Variants in USP34 observed in about 807,000 individuals in gnomAD.
USP34 encodes the protein ubiquitin specific peptidase 34.
Under a neutral mutation model 460.3 loss-of-function variants are expected in USP34, and 70 were observed. The observed-to-expected ratio is 0.15, with a 90% CI of 0.13 to 0.19. The LOEUF (loss-of-function observed/expected upper bound fraction) is 0.19. Ranked by LOEUF, USP34 falls within the 10% of genes least tolerant of loss-of-function variation. The probability of loss-of-function intolerance (pLI) is 1.00; values close to 1 mark genes in which losing one functional copy is unlikely to be tolerated. For missense variants in USP34, 3,985 were observed against 4,236.2 expected, an observed-to-expected ratio of 0.94 and a Z score of 1.65; for synonymous variants, 1,647 against 1,405.3, an observed-to-expected ratio of 1.17 and a Z score of -3.85.
intron 67 of USP34, among the ~76,000 whole-genome samples, chr2:61,215,330 T>A (rs1386046259): frequency 6.6e-6 from 1 of 152,140 alleles, no homozygotes; most frequent in Non-Finnish European, 1.5e-5. Context: ...TAATATATAT[T>A]TAAGTTATAA....
intron 20 of USP34, among the ~76,000 whole-genome samples, chr2:61,326,314 T>G (rs1691088036): frequency 6.6e-6 from 1 of 152,108 alleles, no homozygotes; most frequent in African/African-American, 2.4e-5. Context: ...TTCAAGTGAT[T>G]CTCGTGCCTT....
intron 76 of USP34, among the ~76,000 whole-genome samples, chr2:61,191,899 G>C (rs1686654814): frequency 6.6e-6 from 1 of 152,230 alleles, no homozygotes; most frequent in Non-Finnish European, 1.5e-5. Context: ...AATGCCTACT[G>C]TATGCTAAGT....
At chr2:61,231,206 GA>G in intron 58 of USP34, among the ~76,000 whole-genome samples, 1 of 151,758 alleles carries the variant, frequency 6.6e-6, no homozygotes, top group African/African-American at 2.4e-5. Context: ...TATAAAGATA[GA>G]AAGTAGACTA....
intron 53 of USP34, among the ~76,000 whole-genome samples, chr2:61,239,341 CACACACACACAG>C (rs1688178367): frequency 1.4e-5 from 2 of 141,344 alleles, no homozygotes; most frequent in African/African-American, 5.0e-5. Flanking sequence ...CACACACACA[CACACACACACAG>C]AAGTTTGAGA....
chr2:61,412,286 G>GAA (rs11446796), intron 2 of USP34, among the ~76,000 whole-genome samples: 5 of 150,198 alleles, frequency 3.3e-5, no homozygotes, highest in East Asian at 2.0e-4. Context: ...ATACAAAAAG[G>GAA]AAAAAAAGAT....
At position 61,227,123 on chromosome 2, in the gene USP34, G is replaced by A; in HGVS notation, c.7539C>T (p.Ala2513=). 6.2e-7 allele frequency: 1 copy of A among 1,613,662 alleles called. No homozygotes were observed. The highest frequency in any genetic ancestry group is 1.3e-5 in the African/African-American group (1 of 74,992). Residue 2513 remains alanine (A), a synonymous_variant, in exon 62 of 80, where the codon GCC becomes GCT. Coordinates refer to ENST00000398571, the MANE Select transcript of USP34 (RefSeq NM_014709.4). ...CAACTAAAGCTATCATCTTTTCAAG[G>A]GCAGCTGGCCTGTATTTTTCTTCTG... ...SLAEEKYRPA[A]LEKMIALVAL...
chr2:61,444,701 G>A (rs570189226), intron 1 of USP34, among the ~76,000 whole-genome samples: 5 of 152,126 alleles, frequency 3.3e-5, no homozygotes, highest in African/African-American at 7.2e-5. Flanking sequence ...GCTTTTTCAC[G>A]GGCTACCTGA....
chr2:61,452,926 A>C (rs894262465), intron 1 of USP34, among the ~76,000 whole-genome samples: 1 of 150,352 alleles, frequency 6.7e-6, no homozygotes, highest in African/African-American at 2.4e-5. Context: ...AAAAAAAAAA[A>C]ACACCCACAA....
At position 61,378,330 on chromosome 2, in the gene USP34, T is replaced by C. The variant is rs141251394; in HGVS notation, c.1076+33A>G. 10,030 of 1,420,870 alleles carry C rather than the reference T, an allele frequency of 7.1e-3. 50 individuals are homozygous for C. The highest frequency in any genetic ancestry group is 8.4e-3 in the Non-Finnish European group (8,684 of 1,034,034). The allele number at this position is 1,420,870 out of a possible 1,614,324, so 88.0% of individuals were successfully genotyped here. A position where few individuals can be genotyped will look rare whatever the true frequency, so the allele number is the denominator to read the frequency against. On this transcript the variant is annotated intron_variant, in intron 8 of 79. Transcript: ENST00000398571. ...TATAAACAACTGTACATTAAAATGG[T>C]ATACTTATATATAAATTAATGCTCC... is the stretch of plus-strand genomic sequence containing the variant.
chr2:61,402,817 AATTT>A, intron 3 of USP34, among the ~76,000 whole-genome samples: 1 of 152,326 alleles, frequency 6.6e-6, no homozygotes, highest in Non-Finnish European at 1.5e-5. Context: ...ATTTCATAAT[AATTT>A]GTTTGCTTTA....
chr2:61,354,732 G>C (rs1354351208), intron 10 of USP34, among the ~76,000 whole-genome samples: 1 of 152,202 alleles, frequency 6.6e-6, no homozygotes, highest in Non-Finnish European at 1.5e-5. Flanking sequence ...TCACTATGTT[G>C]GGTTGGGCAA....
chr2:61,224,228 C>T (rs964339557), intron 62 of USP34, among the ~76,000 whole-genome samples: 2 of 152,184 alleles, frequency 1.3e-5, no homozygotes, highest in African/African-American at 2.4e-5. Context: ...ATTGGTTTCC[C>T]CACCAGCTTT....
intron 27 of USP34, among the ~76,000 whole-genome samples, chr2:61,305,435 A>C (rs1353674006): frequency 6.6e-6 from 1 of 152,192 alleles, no homozygotes; most frequent in Non-Finnish European, 1.5e-5. Flanking sequence ...GCCCCGAAAA[A>C]AGATAAATCC....
intron 6 of USP34, among the ~76,000 whole-genome samples, chr2:61,382,917 C>A (rs563602084): frequency 1.3e-4 from 20 of 152,280 alleles, no homozygotes; most frequent in Admixed American, 2.0e-4. Context: ...ACAGACTGCA[C>A]AAGAGCAGAG....
In USP34 at chr2:61,261,831, G is replaced by A. The variant is rs142280097; in HGVS notation, c.5779-2055C>T. On this transcript the variant is annotated intron_variant, in intron 43 of 79. Coordinates refer to ENST00000398571, the MANE Select transcript of USP34 (RefSeq NM_014709.4). ...TTCTGTTAAGAATTTTTGGCTGGGC[G>A]CGGTGGCTTACATCTGTAATCCCAG... is the stretch of plus-strand genomic sequence containing the variant. 3.3e-5 allele frequency among the ~76,000 whole-genome samples: 5 copies of A among 151,874 alleles called. No individual in the cohort carries two copies. The South Asian group carries it at 8.3e-4, about 25-fold the overall frequency.
At chr2:61,369,257 G>C (rs568153092) in intron 10 of USP34, among the ~76,000 whole-genome samples, 1 of 152,150 alleles carries the variant, frequency 6.6e-6, no homozygotes, top group East Asian at 1.9e-4. Flanking sequence ...AATTCTACTT[G>C]TAAGTAAGAA....
intron 1 of USP34, among the ~76,000 whole-genome samples, chr2:61,468,907 G>C (rs1695863528): frequency 6.6e-6 from 1 of 152,118 alleles, no homozygotes; most frequent in African/African-American, 2.4e-5. Context: ...AATTTTCCAA[G>C]TTTAAGATAT....
intron 62 of USP34, 53 bp from the exon 63 acceptor site, chr2:61,223,349 C>G: frequency 6.6e-7 from 1 of 1,520,610 alleles, no homozygotes; most frequent in Non-Finnish European, 9.0e-7. Context: ...TATTACTTTA[C>G]AGCGATTTAC....
intron 16 of USP34, among the ~76,000 whole-genome samples, chr2:61,339,910 A>T (rs1450419758): frequency 6.6e-6 from 1 of 152,010 alleles, no homozygotes; most frequent in Non-Finnish European, 1.5e-5. Context: ...GGCCTCCAGT[A>T]ATCTCCTTCC....
Sources: allele counts gnomAD v4.1 joint callset (sites outside exome capture counted in the v4.1 genomes callset), GRCh38; gene constraint gnomAD v4.1.1; transcripts MANE v1.5; gene names NCBI Gene and HGNC (gene_info 2026-07-23, HGNC 2026-07-21).